RAD51D: variants seen among roughly 807,000 people sequenced by gnomAD.
RAD51D encodes DNA repair protein RAD51 homolog 4.
In RAD51D, 38 loss-of-function variants were observed where a neutral mutation model predicts 44.1. The observed-to-expected ratio is 0.86, with a 90% CI of 0.67 to 1.13. RAD51D has a LOEUF of 1.13. Ranked by LOEUF, RAD51D falls within the 50% of genes most tolerant of loss-of-function variation. The probability of loss-of-function intolerance (pLI) is 0.00; values close to 1 mark genes in which losing one functional copy is unlikely to be tolerated. For missense variants in RAD51D, 390 were observed against 414.0 expected (o/e 0.94, Z 0.50); for synonymous variants, 141 against 166.6 (o/e 0.85, Z 1.18).
chr17:35,114,936 G>A (rs951450010), intron 3 of RAD51D, among the ~76,000 whole-genome samples: 1 of 151,704 alleles, frequency 6.6e-6, no homozygotes, highest in Non-Finnish European at 1.5e-5. Context: ...TGGGGTTGAA[G>A]CACTGGTGTT....
chr17:35,112,099 A>G (rs1370789407), intron 3 of RAD51D, among the ~76,000 whole-genome samples: 1 of 152,200 alleles, frequency 6.6e-6, no homozygotes, highest in Non-Finnish European at 1.5e-5. Flanking sequence ...TTTTTTTGAG[A>G]CGGAGTCTCG....
In RAD51D at chr17:35,100,717, G is replaced by A; in HGVS notation, c.*236C>T. 1 of 651,682 alleles carries A rather than the reference G, an allele frequency of 1.5e-6. No individual in the cohort carries two copies. The highest frequency in any genetic ancestry group is 2.8e-6 in the Non-Finnish European group (1 of 355,944). The allele number at this position is 651,682 out of a possible 1,614,324, so 40.4% of individuals were successfully genotyped here. A position where few individuals can be genotyped will look rare whatever the true frequency, so the allele number is the denominator to read the frequency against. ...CAGAAACATACACGTTAGAAATAAG[G>A]GAAGGAAACGTGGCACCAGTATGAA... is the stretch of plus-strand genomic sequence containing the variant. On this transcript the variant is annotated 3_prime_UTR_variant, in exon 10 of 10. Coordinates refer to ENST00000345365, the MANE Select transcript of RAD51D (RefSeq NM_002878.4).
chr17:35,116,958 AC>A (rs1343515563), intron 3 of RAD51D: 2 of 1,613,588 alleles, frequency 1.2e-6, no homozygotes, highest in Non-Finnish European at 1.7e-6. Context: ...AGCATTCCTG[AC>A]CCCACTCCAC....
chr17:35,112,252 A>G (rs896034406), intron 3 of RAD51D, among the ~76,000 whole-genome samples: 1 of 151,482 alleles, frequency 6.6e-6, no homozygotes, highest in Non-Finnish European at 1.5e-5. Context: ...TAATTTTTGT[A>G]TTTTCAGTAG....
rs190820666 is a variant in RAD51D at position 35,113,776 on chromosome 17, G to C, written c.263+4725C>G. ...AACCCCAGTGTGGTCCCCAGACCAG[G>C]TGCATCAGCAACCTTTAAGGACTAG... On this transcript the variant is annotated intron_variant, in intron 3 of 9. Coordinates refer to ENST00000345365, the MANE Select transcript of RAD51D (RefSeq NM_002878.4). Among the ~76,000 whole-genome samples the C allele has an allele frequency of 2.8e-3, 430 of 152,254 alleles. 1 individual carries two copies. Among genetic ancestry groups the C allele is most frequent in the Non-Finnish European group, 5.2e-3 (354 of 68,024 alleles).
At position 35,100,238 on chromosome 17, in the gene RAD51D, C is replaced by T. The variant is rs188627847; in HGVS notation, c.*715G>A. The T allele has an allele frequency of 1.7e-4, 90 of 533,098 alleles. No individual in the cohort carries two copies. The highest frequency in any genetic ancestry group is 1.6e-3 in the African/African-American group (84 of 53,876). 33.0% of individuals were successfully genotyped at this position (533,098 alleles called of 1,614,324 possible). On this transcript the variant is annotated 3_prime_UTR_variant, in exon 10 of 10. Transcript: ENST00000345365. ...TTATATCCCTGGAACTGCAGCGAGC[C>T]CACACGTTCTCACCTAGTCATGGTG...
intron 3 of RAD51D, 22 bp from the exon 4 acceptor site, chr17:35,107,469 A>G (rs2142437637): frequency 1.3e-6 from 2 of 1,511,422 alleles, no homozygotes; most frequent in Non-Finnish European, 1.8e-6. Context: ...AGAGAAGAAA[A>G]TCAACACAAG....
At position 35,119,125 on chromosome 17, in the gene RAD51D, C is replaced by A. The variant is rs1555570408; in HGVS notation, c.130G>T (p.Gly44Cys). 6.2e-7 allele frequency: 1 copy of A among 1,613,784 alleles called. No homozygotes were observed. The highest frequency in any genetic ancestry group is 8.5e-7 in the Non-Finnish European group (1 of 1,179,648). Reference protein sequence around the residue: ...ADLEEVAQKCGLSYKALVALR... With the variant: ...ADLEEVAQKCCLSYKALVALR... ...CAGGAGCTCACCTTGTAAGACAAGC[C>A]ACATTTCTGAGCTACCTCTTCCAGG... The change falls in exon 2 of 10, where the codon GGC becomes TGC. Residue 44 changes from glycine to cysteine, a missense_variant. Transcript: ENST00000345365.
At position 35,119,636 on chromosome 17, in the gene RAD51D, C is replaced by T. The variant is rs780122293; in HGVS notation, c.-23G>A. 4.4e-6 allele frequency: 7 copies of T among 1,607,320 alleles called. No individual in the cohort carries two copies. The African/African-American group carries it at 6.7e-5, about 15-fold the overall frequency. ...CATGTTCCCCGCAGGCCGGAACAGC[C>T]CCAGGGGGACTGCACGTCACGTGGG... is the stretch of plus-strand genomic sequence containing the variant. On this transcript the variant is annotated 5_prime_UTR_variant, in exon 1 of 10. Coordinates refer to ENST00000345365, the MANE Select transcript of RAD51D (RefSeq NM_002878.4).
In RAD51D at chr17:35,098,441, T is replaced by G. The variant is rs2091502319; in HGVS notation, c.*2512A>C. ...TTTTTTTTTTGAGACGGAGTCTCACTCTGTCGCTCAGGCTGGAGTGCAGTG... is the reference window on the plus strand; with the variant it reads ...TTTTTTTTTTGAGACGGAGTCTCACGCTGTCGCTCAGGCTGGAGTGCAGTG... On this transcript the variant is annotated 3_prime_UTR_variant, in exon 10 of 10. Coordinates refer to ENST00000345365, the MANE Select transcript of RAD51D (RefSeq NM_002878.4). The G allele has an allele frequency of 6.7e-6, 1 of 149,100 alleles. No homozygotes were observed. Among genetic ancestry groups the G allele is most frequent in the African/African-American group, 2.5e-5 (1 of 39,784 alleles). The allele number at this position is 149,100 out of a possible 1,614,324, so 9.2% of individuals were successfully genotyped here. A position where few individuals can be genotyped will look rare whatever the true frequency, so the allele number is the denominator to read the frequency against.
intron 3 of RAD51D, among the ~76,000 whole-genome samples, chr17:35,111,403 AT>A (rs1188579923): frequency 3.3e-5 from 5 of 150,786 alleles, no homozygotes; most frequent in African/African-American, 1.2e-4. Flanking sequence ...AAAAAAAAAA[AT>A]ACAAATACAA....
chr17:35,117,322 AT>A (rs2091762423), intron 3 of RAD51D, among the ~76,000 whole-genome samples: 1 of 152,228 alleles, frequency 6.6e-6, no homozygotes, highest in Non-Finnish European at 1.5e-5. Flanking sequence ...TGCCAAGAGA[AT>A]GTGTTAAGGA....
At chr17:35,119,242 C>T (rs941514969) in intron 1 of RAD51D, 70 bp from the exon 2 acceptor site, 1 of 1,386,956 alleles carries the variant, frequency 7.2e-7, no homozygotes, top group Non-Finnish European at 1.0e-6. Flanking sequence ...TTTTCCTCAT[C>T]TGTCAAATGG....
Position 35,096,938 on chromosome 17 carries a change from A to G in RAD51D, c.*4015T>C, listed in dbSNP as rs1443437763. The G allele has an allele frequency of 6.6e-6, 1 of 152,164 alleles. No homozygotes were observed. The highest frequency in any genetic ancestry group is 1.5e-5 in the Non-Finnish European group (1 of 68,040). The allele number at this position is 152,164 out of a possible 1,614,324, so 9.4% of individuals were successfully genotyped here. A position where few individuals can be genotyped will look rare whatever the true frequency, so the allele number is the denominator to read the frequency against. Reference sequence around the variant, plus strand: ...TTGTTACTTGCAGCCTTAATGATACATGGACCTTTGCCTGAGTCCTTGGGA... The same window carrying G: ...TTGTTACTTGCAGCCTTAATGATACGTGGACCTTTGCCTGAGTCCTTGGGA... On this transcript the variant is annotated 3_prime_UTR_variant, in exon 10 of 10. Coordinates refer to ENST00000345365, the MANE Select transcript of RAD51D (RefSeq NM_002878.4).
intron 3 of RAD51D, among the ~76,000 whole-genome samples, chr17:35,112,463 C>T (rs1330353479): frequency 1.3e-5 from 2 of 151,906 alleles, no homozygotes; most frequent in Admixed American, 1.3e-4. Flanking sequence ...CTGTAACCTG[C>T]ATCTCCCAGA....
chr17:35,117,161 C>G, intron 3 of RAD51D: 2 of 1,059,512 alleles, frequency 1.9e-6, no homozygotes, highest in East Asian at 4.8e-5. Context: ...CCCCTACACC[C>G]AACTAGAGGC....
In RAD51D at chr17:35,119,533, T is replaced by C. The variant is rs2142480084; in HGVS notation, c.81A>G (p.Thr27=). The change falls in exon 1 of 10, where the codon ACA becomes ACG. Residue 27 remains threonine, a splice_region_variant and synonymous_variant. Transcript: ENST00000345365. ...IQLLRSHRIK[T]VVDLVSADLE... ...CCTGGCACGCGCACACCCGGTCACC[T>C]GTCTTGATCCTGTGGCTCCTGAGAA... The C allele has an allele frequency of 1.2e-6, 2 of 1,611,834 alleles. No individual in the cohort carries two copies. Among genetic ancestry groups the C allele is most frequent in the Non-Finnish European group, 1.7e-6 (2 of 1,179,892 alleles).
At chr17:35,111,484 G>A (rs2091675756) in intron 3 of RAD51D, among the ~76,000 whole-genome samples, 1 of 151,966 alleles carries the variant, frequency 6.6e-6, no homozygotes, top group Admixed American at 6.6e-5. Context: ...AGGATTGCCT[G>A]AGCCCAGGGA....
At position 35,093,631 on chromosome 17, in the gene RAD51D, G is replaced by A. The variant is rs1039997714; in HGVS notation, c.*7322C>T. The A allele has an allele frequency of 7.9e-5, 12 of 152,166 alleles. No homozygotes were observed. The highest frequency in any genetic ancestry group is 2.9e-4 in the African/African-American group (12 of 41,438). 9.4% of individuals were successfully genotyped at this position (152,166 alleles called of 1,614,324 possible). A position where few individuals can be genotyped will look rare whatever the true frequency, so the allele number is the denominator to read the frequency against. Reference sequence around the variant, plus strand: ...CCAGTGAGGTCTTTCATAAAGAGCAGCTACGTGGAACCTAAGGCATCTAAC... The same window carrying A: ...CCAGTGAGGTCTTTCATAAAGAGCAACTACGTGGAACCTAAGGCATCTAAC... On this transcript the variant is annotated 3_prime_UTR_variant, in exon 10 of 10. Coordinates refer to ENST00000345365, the MANE Select transcript of RAD51D (RefSeq NM_002878.4).
Sources: gnomAD v4.1 joint callset for allele counts (sites outside exome capture counted in the v4.1 genomes callset) on GRCh38, gnomAD v4.1.1 for gene constraint, MANE v1.5 for transcripts, NCBI Gene and HGNC (gene_info 2026-07-23, HGNC 2026-07-21) for gene names.